Variants in PLEKHA8 observed in about 807,000 individuals in gnomAD.
PLEKHA8 encodes pleckstrin homology domain containing A8.
PLEKHA8 carries 36 observed loss-of-function variants against 68.2 expected under a neutral mutation model. The observed-to-expected ratio is 0.53, with a 90% CI of 0.40 to 0.70. The LOEUF is 0.70. Ranked by LOEUF, PLEKHA8 falls within the 30% of genes least tolerant of loss-of-function variation. The pLI is 0.00. For missense variants in PLEKHA8, 505 were observed against 615.4 expected (o/e 0.82, Z 1.90); for synonymous variants, 211 against 216.1 (o/e 0.98, Z 0.20).
intron 1 of PLEKHA8, among the ~76,000 whole-genome samples, chr7:30,030,758 A>G (rs1220914055): frequency 6.6e-6 from 1 of 152,238 alleles, no homozygotes. Context: ...TTTACTTGGG[A>G]AAGAAGTGGT....
intron 13 of PLEKHA8, among the ~76,000 whole-genome samples, chr7:30,076,692 T>C (rs962055790): frequency 1.3e-5 from 2 of 152,158 alleles, no homozygotes; most frequent in Non-Finnish European, 2.9e-5. Flanking sequence ...TTTAAGAAAA[T>C]AGATTATGTA....
intron 13 of PLEKHA8, among the ~76,000 whole-genome samples, chr7:30,097,769 G>A (rs1454159849): frequency 1.3e-5 from 2 of 152,196 alleles, no homozygotes; most frequent in Non-Finnish European, 2.9e-5. Flanking sequence ...CCATTGGTTC[G>A]AACTTCTTCC....
intron 13 of PLEKHA8, among the ~76,000 whole-genome samples, chr7:30,109,574 G>C (rs1583478014): frequency 2.3e-5 from 2 of 87,762 alleles, no homozygotes; most frequent in Non-Finnish European, 2.0e-5. Context: ...GGCAACGAGT[G>C]AAACTCTGTC....
In PLEKHA8 at chr7:30,115,683, T is replaced by C. The variant is rs118052107; in HGVS notation, c.1363-13583T>C. ...ATGTATACGTGTATACATACGCACA[T>C]ACATGCATACACGTATACATGTATA... On this transcript the variant is annotated intron_variant, in intron 13 of 13. Transcript: ENST00000396257. Among the ~76,000 whole-genome samples the C allele has an allele frequency of 9.5e-4, 138 of 145,452 alleles. 1 individual carries two copies. In the East Asian group the frequency reaches 0.02, roughly 21 times the overall value.
At chr7:30,052,118 A>C (rs1792458620) in intron 6 of PLEKHA8, among the ~76,000 whole-genome samples, 1 of 152,156 alleles carries the variant, frequency 6.6e-6, no homozygotes. Flanking sequence ...ACTGATGGAA[A>C]ACCAAAGAGC....
intron 1 of PLEKHA8, among the ~76,000 whole-genome samples, chr7:30,037,215 G>A (rs747469991): frequency 1.2e-4 from 18 of 152,222 alleles, no homozygotes; most frequent in Middle Eastern, 3.4e-3. Context: ...GGTTATGAAC[G>A]TAGAAACCAT....
Position 30,055,360 on chromosome 7 carries a change from G to A in PLEKHA8, c.1039+18G>A, listed in dbSNP as rs1403499736. The A allele has an allele frequency of 1.2e-6, 2 of 1,604,484 alleles. No homozygotes were observed. The highest frequency in any genetic ancestry group is 1.7e-6 in the Non-Finnish European group (2 of 1,171,338). ...AGTATTAGGTAAGATTCCTGCAGTT[G>A]CCTTACATTCATTCATGTCTAGAAT... is the stretch of plus-strand genomic sequence containing the variant. On this transcript the variant is annotated intron_variant, in intron 9 of 13. Coordinates refer to ENST00000449726, the MANE Select transcript of PLEKHA8 (RefSeq NM_001197026.2).
chr7:30,052,628 G>C, intron 6 of PLEKHA8, 81 bp from the exon 7 acceptor site: 1 of 1,206,628 alleles, frequency 8.3e-7, no homozygotes, highest in Non-Finnish European at 1.1e-6. Context: ...TGACAGAGTG[G>C]AGACCCTGTT....
intron 9 of PLEKHA8, among the ~76,000 whole-genome samples, chr7:30,058,936 A>G (rs568196783): frequency 1.3e-5 from 2 of 152,306 alleles, no homozygotes; most frequent in South Asian, 4.1e-4. Context: ...ATCCTGGCCT[A>G]GGCAACAAAG....
At chr7:30,092,192 T>C (rs986562343), downstream of PLEKHA8, among the ~76,000 whole-genome samples, 12 of 152,166 alleles carry the variant, frequency 7.9e-5, no homozygotes, top group African/African-American at 2.7e-4. Context: ...AAGATTGTTA[T>C]AAGGATCAAG....
intron 13 of PLEKHA8, among the ~76,000 whole-genome samples, chr7:30,125,612 T>G (rs1033366262): frequency 2.0e-5 from 3 of 152,212 alleles, no homozygotes; most frequent in Non-Finnish European, 2.9e-5. Context: ...AACAGTGTAG[T>G]GTTCTCAATC....
Position 30,080,501 on chromosome 7 carries a change from T to G in PLEKHA8, c.*1714T>G. 4.1e-6 allele frequency: 4 copies of G among 985,342 alleles called. No homozygotes were observed. The highest frequency in any genetic ancestry group is 4.8e-6 in the Non-Finnish European group (4 of 829,874). 61.0% of individuals were successfully genotyped at this position (985,342 alleles called of 1,614,324 possible). ...AGGATGGAGAGAATTCTCTCTTTAGTCAGAGAAGTTTATGTAGGGAGGGGT... is the reference window on the plus strand; with the variant it reads ...AGGATGGAGAGAATTCTCTCTTTAGGCAGAGAAGTTTATGTAGGGAGGGGT... On this transcript the variant is annotated 3_prime_UTR_variant, in exon 14 of 14. Transcript: ENST00000449726.
At chr7:30,109,501 A>G (rs887728781) in intron 13 of PLEKHA8, among the ~76,000 whole-genome samples, 1 of 144,008 alleles carries the variant, frequency 6.9e-6, no homozygotes, top group African/African-American at 2.5e-5. Flanking sequence ...GGCAGGAGAA[A>G]TGCTTGAACC....
intron 1 of PLEKHA8, among the ~76,000 whole-genome samples, chr7:30,036,417 TAGATAGA>T (rs1285194811): frequency 1.0e-5 from 1 of 98,722 alleles, no homozygotes; most frequent in Non-Finnish European, 2.4e-5. Flanking sequence ...AATAGATAGA[TAGATAGA>T]TAGATAGATA....
chr7:30,047,640 C>G (rs936088016), intron 3 of PLEKHA8, among the ~76,000 whole-genome samples, 192 bp from the exon 4 acceptor site: 3 of 152,120 alleles, frequency 2.0e-5, no homozygotes, highest in Non-Finnish European at 4.4e-5. Flanking sequence ...GACTGGAGAT[C>G]TACTTTTTCT....
rs545558281 is a variant in PLEKHA8 at position 30,096,528 on chromosome 7, C to T, written c.1362+22396C>T. On this transcript the variant is annotated intron_variant, in intron 13 of 13. Coordinates refer to the PLEKHA8 transcript ENST00000396257. ...GAATGCCCTTTATTTCCTTCTCCTG[C>T]CTGATTGCCCTGGCCAGAACTTCCA... Among the ~76,000 whole-genome samples, 55 of 152,294 alleles carry T rather than the reference C, an allele frequency of 3.6e-4. No homozygotes were observed. The South Asian group carries it at 0.011, about 31-fold the overall frequency.
At chr7:30,093,179 A>G (rs1384747946), downstream of PLEKHA8, among the ~76,000 whole-genome samples, 10 of 152,174 alleles carry the variant, frequency 6.6e-5, no homozygotes, top group Non-Finnish European at 1.2e-4. Flanking sequence ...AGTTATAACT[A>G]TTTGGTCTGC....
intron 13 of PLEKHA8, among the ~76,000 whole-genome samples, chr7:30,124,022 T>A (rs1469245247): frequency 6.6e-6 from 1 of 152,252 alleles, no homozygotes; most frequent in East Asian, 1.9e-4. Flanking sequence ...TGTAAACAGA[T>A]GTCAGCTATT....
chr7:30,065,236 A>G (rs1583418302), intron 12 of PLEKHA8, among the ~76,000 whole-genome samples: 1 of 152,174 alleles, frequency 6.6e-6, no homozygotes, highest in Admixed American at 6.5e-5. Context: ...TTTTCAATGG[A>G]AAAGAGAAGG....
Sources: gnomAD v4.1 joint callset for allele counts (sites outside exome capture counted in the v4.1 genomes callset) on GRCh38, gnomAD v4.1.1 for gene constraint, MANE v1.5 for transcripts, NCBI Gene and HGNC (gene_info 2026-07-23, HGNC 2026-07-21) for gene names.